The following ARPC5 variants were observed in gnomAD, a reference collection of about 807,000 sequenced individuals.
The protein encoded by ARPC5 is actin related protein 2/3 complex subunit 5.
A neutral mutation model predicts 15.4 loss-of-function variants in ARPC5; 5 were observed. The ratio of observed to expected loss-of-function variants is 0.32; its 90% CI spans 0.17 to 0.68. ARPC5 has a LOEUF of 0.68. ARPC5 is among the 30% of genes least tolerant of loss of function. The pLI, the probability that ARPC5 is intolerant of heterozygous loss-of-function variation, is 0.71. For synonymous variants in ARPC5, 85 were observed against 72.2 expected (o/e 1.18, Z -0.90); for missense variants, 138 against 192.8 (o/e 0.72, Z 1.68).
At chr1:183,633,724 G>A (rs1170172246) in intron 1 of ARPC5, 1 of 151,818 alleles carries the variant, frequency 6.6e-6, no homozygotes, top group Non-Finnish European at 1.5e-5. Context: ...CCCTTAGGTG[G>A]CAGCTTAATT....
In ARPC5 at chr1:183,622,265, C is replaced by T. The variant is rs2101951000; in HGVS notation, c.*5267G>A. 6.6e-6 allele frequency: 1 copy of T among 152,304 alleles called. No individual in the cohort carries two copies. The highest frequency in any genetic ancestry group is 6.5e-5 in the Admixed American group (1 of 15,306). 9.4% of individuals were successfully genotyped at this position (152,304 alleles called of 1,614,324 possible). ...TGGAAAATTACCACAGTACATATTTCTTACCTTTTGAATATTGAACAATAT... is the reference window on the plus strand; with the variant it reads ...TGGAAAATTACCACAGTACATATTTTTTACCTTTTGAATATTGAACAATAT... On this transcript the variant is annotated 3_prime_UTR_variant, in exon 4 of 4. Transcript: ENST00000359856.
chr1:183,629,023 T>C (rs1649188842), intron 3 of ARPC5, among the ~76,000 whole-genome samples: 2 of 152,212 alleles, frequency 1.3e-5, no homozygotes, highest in Non-Finnish European at 2.9e-5. Flanking sequence ...TGTGAACAGC[T>C]GCATTAGATA....
intron 2 of ARPC5, chr1:183,632,043 G>A (rs1266059497): frequency 2.0e-5 from 3 of 152,050 alleles, no homozygotes; most frequent in Admixed American, 6.5e-5. Flanking sequence ...AAATTTCAAC[G>A]ACAATCTTTA....
rs1160040411 is a variant in ARPC5 at position 183,625,452 on chromosome 1, T to C, written c.*2080A>G. ...AGAATTTTTCCAAACGCTTCAGTTA[T>C]GAAAGTGATGTTAAGAAGGATTTTA... On this transcript the variant is annotated 3_prime_UTR_variant, in exon 4 of 4. Transcript: ENST00000359856. 1 of 152,276 alleles carries C rather than the reference T, an allele frequency of 6.6e-6. No individual in the cohort carries two copies. Among genetic ancestry groups the C allele is most frequent in the Admixed American group, 6.5e-5 (1 of 15,292 alleles). The allele number at this position is 152,276 out of a possible 1,614,324, so 9.4% of individuals were successfully genotyped here. A position where few individuals can be genotyped will look rare whatever the true frequency, so the allele number is the denominator to read the frequency against.
Position 183,625,043 on chromosome 1 carries a change from GTA to G in ARPC5, c.*2487_*2488del, listed in dbSNP as rs1447611099. ...GCTGTTACCCAATGACCAAGAAGGG[GTA>G]TGTTTTCCATTTCTTCCCTTTTGTA... On this transcript the variant is annotated 3_prime_UTR_variant, in exon 4 of 4. Transcript: ENST00000359856. 2.0e-5 allele frequency: 3 copies of G among 152,168 alleles called. No individual in the cohort carries two copies. The highest frequency in any genetic ancestry group is 2.9e-5 in the Non-Finnish European group (2 of 68,034). The allele number at this position is 152,168 out of a possible 1,614,324, so 9.4% of individuals were successfully genotyped here.
Position 183,621,194 on chromosome 1 carries a change from A to C in ARPC5, c.*6338T>G, listed in dbSNP as rs930417862. 6.6e-6 allele frequency: 1 copy of C among 152,258 alleles called. No individual in the cohort carries two copies. Among genetic ancestry groups the C allele is most frequent in the Non-Finnish European group, 1.5e-5 (1 of 68,042 alleles). The allele number at this position is 152,258 out of a possible 1,614,324, so 9.4% of individuals were successfully genotyped here. ...TGCATTCTTCTACACGGCTGGAGAA[A>C]GTATAATTGATAAAACCTTTAAGAA... On this transcript the variant is annotated 3_prime_UTR_variant, in exon 4 of 4. Transcript: ENST00000359856.
rs1469368749 is a variant in ARPC5, at chr1:183,627,244, C to T, written c.*288G>A. The T allele has an allele frequency of 3.5e-6, 1 of 284,082 alleles. No homozygotes were observed. The highest frequency in any genetic ancestry group is 2.2e-5 in the African/African-American group (1 of 45,278). The allele number at this position is 284,082 out of a possible 1,614,324, so 17.6% of individuals were successfully genotyped here. ...CAGCCAACAGGGGTTAAAAGTTGCA[C>T]AATTAAACTTGAATGTAAATTATAC... On this transcript the variant is annotated 3_prime_UTR_variant, in exon 4 of 4. Coordinates refer to ENST00000359856, the MANE Select transcript of ARPC5 (RefSeq NM_005717.4).
At chr1:183,628,067 G>A (rs1290576364) in intron 3 of ARPC5, among the ~76,000 whole-genome samples, 1 of 151,474 alleles carries the variant, frequency 6.6e-6, no homozygotes, top group Non-Finnish European at 1.5e-5. Context: ...CAGCTACTCG[G>A]GAGGCTGAGG....
In ARPC5 at chr1:183,625,161, T is replaced by C. The variant is rs1425566360; in HGVS notation, c.*2371A>G. The C allele has an allele frequency of 6.6e-6, 1 of 152,234 alleles. No individual in the cohort carries two copies. The highest frequency in any genetic ancestry group is 1.5e-5 in the Non-Finnish European group (1 of 68,048). The allele number at this position is 152,234 out of a possible 1,614,324, so 9.4% of individuals were successfully genotyped here. A position where few individuals can be genotyped will look rare whatever the true frequency, so the allele number is the denominator to read the frequency against. ...AACTACTTTTGTGCTAAAAGTGTCC[T>C]ATGGCATTTATATATATTTTTTCCG... On this transcript the variant is annotated 3_prime_UTR_variant, in exon 4 of 4. Coordinates refer to ENST00000359856, the MANE Select transcript of ARPC5 (RefSeq NM_005717.4).
chr1:183,629,102 A>C (rs1026209258), intron 3 of ARPC5, among the ~76,000 whole-genome samples: 2 of 152,238 alleles, frequency 1.3e-5, no homozygotes, highest in Non-Finnish European at 2.9e-5. Flanking sequence ...ATTTGGAAGA[A>C]ATGAAGACTT....
Position 183,625,478 on chromosome 1 carries a change from T to C in ARPC5, c.*2054A>G, listed in dbSNP as rs1649070062. 1 of 152,252 alleles carries C rather than the reference T, an allele frequency of 6.6e-6. No individual in the cohort carries two copies. The highest frequency in any genetic ancestry group is 2.1e-4 in the South Asian group (1 of 4,838). The allele number at this position is 152,252 out of a possible 1,614,324, so 9.4% of individuals were successfully genotyped here. A position where few individuals can be genotyped will look rare whatever the true frequency, so the allele number is the denominator to read the frequency against. On this transcript the variant is annotated 3_prime_UTR_variant, in exon 4 of 4. Coordinates refer to ENST00000359856, the MANE Select transcript of ARPC5 (RefSeq NM_005717.4). ...GAAAGTGATGTTAAGAAGGATTTTA[T>C]GAAAAAGCATTCAGTATCATTTGAT...
chr1:183,628,240 T>G (rs1012017682), intron 3 of ARPC5, among the ~76,000 whole-genome samples: 3 of 148,456 alleles, frequency 2.0e-5, no homozygotes, highest in Non-Finnish European at 4.5e-5. Flanking sequence ...CAGGTGGACA[T>G]TCTGCATTTC....
rs747427203 is a variant in ARPC5 at position 183,623,730 on chromosome 1, A to G, written c.*3802T>C. On this transcript the variant is annotated 3_prime_UTR_variant, in exon 4 of 4. Coordinates refer to ENST00000359856, the MANE Select transcript of ARPC5 (RefSeq NM_005717.4). ...TAAAGGAAAAATTGTGTATCTAAAA[A>G]TTAATCAATCTGGCTGGGCGCGGTG... is the stretch of plus-strand genomic sequence containing the variant. The G allele has an allele frequency of 9.1e-6, 5 of 549,798 alleles. No homozygotes were observed. The highest frequency in any genetic ancestry group is 5.7e-5 in the African/African-American group (3 of 52,652). The allele number at this position is 549,798 out of a possible 1,614,324, so 34.1% of individuals were successfully genotyped here. A position where few individuals can be genotyped will look rare whatever the true frequency, so the allele number is the denominator to read the frequency against.
rs770890438 is a variant in ARPC5 at position 183,635,644 on chromosome 1, C to G, written c.16G>C (p.Val6Leu). The change falls in exon 1 of 4, where the codon GTG becomes CTG. Residue 6 changes from valine (V) to leucine (L), a missense_variant. Physicochemically the swap from Val to Leu is conservative, Grantham distance 32. This residue lies in a region of ARPC5 where 14 missense variants were observed against 16.2 expected (regional missense o/e 0.87). Coordinates refer to ENST00000359856, the MANE Select transcript of ARPC5 (RefSeq NM_005717.4). Reference protein sequence around the residue: MSKNTVSSARFRKVDV... With the variant: MSKNTLSSARFRKVDV... ...ACCTTCCGGAAGCGGGCCGACGACA[C>G]TGTGTTCTTCGACATCCCAATCCCG... is the stretch of plus-strand genomic sequence containing the variant. 6 of 1,612,762 alleles carry G rather than the reference C, an allele frequency of 3.7e-6. No homozygotes were observed. Among genetic ancestry groups the G allele is most frequent in the Non-Finnish European group, 5.1e-6 (6 of 1,179,488 alleles).
At position 183,627,222 on chromosome 1, in the gene ARPC5, C is replaced by A. The variant is rs569256514; in HGVS notation, c.*310G>T. The A allele has an allele frequency of 1.7e-5, 4 of 237,090 alleles. No individual in the cohort carries two copies. Among genetic ancestry groups the A allele is most frequent in the Non-Finnish European group, 2.5e-5 (3 of 121,140 alleles). 14.7% of individuals were successfully genotyped at this position (237,090 alleles called of 1,614,324 possible). A position where few individuals can be genotyped will look rare whatever the true frequency, so the allele number is the denominator to read the frequency against. On this transcript the variant is annotated 3_prime_UTR_variant, in exon 4 of 4. Transcript: ENST00000359856. The stretch of plus-strand genomic sequence containing the variant: ...AAAACAAAACAGAACAAAAAACCAG[C>A]CAACAGGGGTTAAAAGTTGCACAAT...
intron 3 of ARPC5, among the ~76,000 whole-genome samples, chr1:183,628,839 G>A (rs1649184972): frequency 6.6e-6 from 1 of 152,210 alleles, no homozygotes; most frequent in African/African-American, 2.4e-5. Context: ...AGAATGACAT[G>A]GAAGATGAAG....
rs1649476584 is a variant in ARPC5, at chr1:183,635,734, T to C, written c.-75A>G. ...CAGCAAGCCCAGCCCAGCAACCCAC[T>C]ACCCGGCGCCTGATTCACTTCCCTC... On this transcript the variant is annotated 5_prime_UTR_variant, in exon 1 of 4. Transcript: ENST00000359856. 2.0e-6 allele frequency: 3 copies of C among 1,536,920 alleles called. No individual in the cohort carries two copies. Among genetic ancestry groups the C allele is most frequent in the African/African-American group, 2.8e-5 (2 of 72,396 alleles).
chr1:183,632,888 C>T (rs1465800547), intron 2 of ARPC5, 194 bp downstream of exon 2: 1 of 443,282 alleles, frequency 2.3e-6, no homozygotes, highest in Non-Finnish European at 4.0e-6. Context: ...CTGTATCTTA[C>T]CATGCAGCAT....
chr1:183,627,382 T>G lies in ARPC5; in HGVS notation c.*150A>C, dbSNP rs372019571. The stretch of plus-strand genomic sequence containing the variant: ...AATTTTCATTAAAGGACAACTGATA[T>G]GTAATTTTTTTCTTTACAGATATGA... On this transcript the variant is annotated 3_prime_UTR_variant, in exon 4 of 4. Coordinates refer to ENST00000359856, the MANE Select transcript of ARPC5 (RefSeq NM_005717.4). The G allele has an allele frequency of 1.4e-4, 98 of 697,018 alleles. 2 individuals are homozygous for G. In the African/African-American group the frequency reaches 1.6e-3, roughly 12 times the overall value. 43.2% of individuals were successfully genotyped at this position (697,018 alleles called of 1,614,324 possible). A position where few individuals can be genotyped will look rare whatever the true frequency, so the allele number is the denominator to read the frequency against.
Sources: allele counts gnomAD v4.1 joint callset (sites outside exome capture counted in the v4.1 genomes callset), GRCh38; gene constraint gnomAD v4.1.1; regional missense constraint gnomAD v4.1.1; transcripts MANE v1.5; gene names NCBI Gene and HGNC (gene_info 2026-07-23, HGNC 2026-07-21).